Variants in CADPS2 observed in about 807,000 individuals in gnomAD.
CADPS2 encodes the protein calcium-dependent secretion activator 2.
CADPS2 carries 93 observed loss-of-function variants against 172.5 expected under a neutral mutation model. The observed-to-expected ratio is 0.54, with a 90% CI of 0.46 to 0.64. The LOEUF (loss-of-function observed/expected upper bound fraction) is 0.64. Ranked by LOEUF, CADPS2 falls within the 30% of genes least tolerant of loss-of-function variation. The pLI, the probability that CADPS2 is intolerant of heterozygous loss-of-function variation, is 0.00. For synonymous variants in CADPS2, 546 were observed against 555.2 expected, an observed-to-expected ratio of 0.98 and a Z score of 0.23; for missense variants, 1,420 against 1,565.9, an observed-to-expected ratio of 0.91 and a Z score of 1.57.
chr7:122,726,773 C>CAAAAAA (rs35290526), intron 2 of CADPS2, among the ~76,000 whole-genome samples: 2 of 129,506 alleles, frequency 1.5e-5, no homozygotes, highest in Non-Finnish European at 3.2e-5. Context: ...CTTCCTGATA[C>CAAAAAA]AAAAAAAAAA....
intron 17 of CADPS2, among the ~76,000 whole-genome samples, chr7:122,434,332 A>C (rs1310753515): frequency 1.3e-5 from 2 of 152,058 alleles, no homozygotes; most frequent in African/African-American, 4.8e-5. Context: ...ATATTGAAAA[A>C]GGTAGGGGAA....
chr7:122,522,563 G>A (rs1586833233), intron 8 of CADPS2, among the ~76,000 whole-genome samples: 1 of 152,058 alleles, frequency 6.6e-6, no homozygotes, highest in African/African-American at 2.4e-5. Flanking sequence ...TTTGTAGTGG[G>A]AACATTTCAA....
intron 3 of CADPS2, among the ~76,000 whole-genome samples, chr7:122,640,951 A>G (rs1209839942): frequency 1.5e-5 from 2 of 132,706 alleles, no homozygotes; most frequent in Admixed American, 1.5e-4. Flanking sequence ...AAAAAAAAAA[A>G]TTGTTGACCC....
chr7:122,698,961 C>A, intron 2 of CADPS2: 1 of 1,337,874 alleles, frequency 7.5e-7, no homozygotes, highest in East Asian at 2.3e-5. Flanking sequence ...CTAACAGTTG[C>A]ACATCTGTTG....
chr7:122,382,560 T>C (rs757658014), intron 24 of CADPS2, among the ~76,000 whole-genome samples: 3 of 152,180 alleles, frequency 2.0e-5, no homozygotes, highest in Non-Finnish European at 2.9e-5. Flanking sequence ...TTTATCTGCA[T>C]AGACATTTTT....
At chr7:122,817,912 T>C (rs1014850432) in intron 1 of CADPS2, among the ~76,000 whole-genome samples, 1 of 142,182 alleles carries the variant, frequency 7.0e-6, no homozygotes, top group Non-Finnish European at 1.5e-5. Flanking sequence ...TGTGCCCCAA[T>C]CCCTTATTTC....
chr7:122,395,446 T>C (rs2044955010), intron 20 of CADPS2: 1 of 152,206 alleles, frequency 6.6e-6, no homozygotes. Flanking sequence ...GAGACTAATG[T>C]TATCTTAATG....
At chr7:122,647,415 T>C (rs1463957783) in intron 3 of CADPS2, among the ~76,000 whole-genome samples, 1 of 152,194 alleles carries the variant, frequency 6.6e-6, no homozygotes, top group Non-Finnish European at 1.5e-5. Context: ...ATCAGAATCA[T>C]GAAAATACTT....
chr7:122,644,955 G>C lies in CADPS2; in HGVS notation c.787-15627C>G, dbSNP rs1025523032. On this transcript the variant is annotated intron_variant, in intron 3 of 29. Coordinates refer to ENST00000449022, the MANE Select transcript of CADPS2 (RefSeq NM_017954.11). ...GTTTTTCATGGATTCTTGTAGAACA[G>C]TTATAAGGGTCTTAAAAATGCATTT... Among the ~76,000 whole-genome samples, 3 of 152,072 alleles carry C rather than the reference G, an allele frequency of 2.0e-5. No individual in the cohort carries two copies. In the South Asian group the frequency reaches 6.2e-4, roughly 32 times the overall value.
chr7:122,380,576 G>A (rs1248059750), intron 24 of CADPS2, among the ~76,000 whole-genome samples: 3 of 151,880 alleles, frequency 2.0e-5, no homozygotes, highest in Non-Finnish European at 4.4e-5. Flanking sequence ...CTCTCCCCAA[G>A]GGTTCTGACA....
At chr7:122,590,935 C>T (rs1051894866) in intron 6 of CADPS2, among the ~76,000 whole-genome samples, 1 of 151,828 alleles carries the variant, frequency 6.6e-6, no homozygotes, top group African/African-American at 2.4e-5. Context: ...ATTTTCTATA[C>T]ATCTAATTAA....
At chr7:122,398,759 T>C (rs547288927) in intron 20 of CADPS2, among the ~76,000 whole-genome samples, 2 of 151,114 alleles carry the variant, frequency 1.3e-5, no homozygotes, top group African/African-American at 2.4e-5. Flanking sequence ...TCTCTCTCTC[T>C]CTCTCCCGCC....
intron 9 of CADPS2, among the ~76,000 whole-genome samples, chr7:122,506,737 A>C (rs562039515): frequency 1.3e-3 from 194 of 152,074 alleles, no homozygotes; most frequent in African/African-American, 4.5e-3. Context: ...TAAAAAAAAA[A>C]AAAAAACAAA....
At chr7:122,574,535 T>A (rs1029726288) in intron 7 of CADPS2, among the ~76,000 whole-genome samples, 1 of 143,848 alleles carries the variant, frequency 7.0e-6, no homozygotes, top group Non-Finnish European at 1.5e-5. Flanking sequence ...CCATCATCAC[T>A]AAAAACAACC....
At chr7:122,349,122 T>C (rs1033930783) in intron 27 of CADPS2, among the ~76,000 whole-genome samples, 1 of 152,126 alleles carries the variant, frequency 6.6e-6, no homozygotes, top group Non-Finnish European at 1.5e-5. Context: ...ATGCATATGA[T>C]TGCATTGTAA....
intron 29 of CADPS2, among the ~76,000 whole-genome samples, chr7:122,323,671 T>A (rs2033096833): frequency 6.6e-6 from 1 of 151,694 alleles, no homozygotes; most frequent in South Asian, 2.1e-4. Flanking sequence ...AGATTGTTAT[T>A]CTCAAAACAA....
chr7:122,442,442 G>A (rs563465820), intron 15 of CADPS2, among the ~76,000 whole-genome samples: 146 of 152,274 alleles, frequency 9.6e-4, no homozygotes, highest in South Asian at 1.7e-3. Flanking sequence ...CTGTACTTAG[G>A]ATGGCACCTT....
chr7:122,770,479 G>C (rs925678565), intron 1 of CADPS2, among the ~76,000 whole-genome samples: 1 of 152,056 alleles, frequency 6.6e-6, no homozygotes, highest in Admixed American at 6.6e-5. Flanking sequence ...AAATTTACAC[G>C]TAACACAGTA....
chr7:122,422,792 T>TA (rs35816048), intron 17 of CADPS2, among the ~76,000 whole-genome samples: 2,049 of 132,904 alleles, frequency 0.015, 22 homozygotes, highest in Middle Eastern at 0.044. Context: ...CCGTCTCTAT[T>TA]AAAAAAAAAA....
Sources: gnomAD v4.1 joint callset for allele counts (sites outside exome capture counted in the v4.1 genomes callset) on GRCh38, gnomAD v4.1.1 for gene constraint, MANE v1.5 for transcripts, NCBI Gene and HGNC (gene_info 2026-07-23, HGNC 2026-07-21) for gene names.